Variants in PLBD2 observed in about 807,000 individuals in gnomAD.
The protein encoded by PLBD2 is phospholipase B domain containing 2.
A neutral mutation model predicts 68.3 loss-of-function variants in PLBD2; 51 were observed. The ratio of observed to expected loss-of-function variants is 0.75; its 90% CI spans 0.60 to 0.94. PLBD2 has a LOEUF of 0.94. Among genes scored for constraint, PLBD2 ranks in the 40% least tolerant of loss-of-function variants. The probability of loss-of-function intolerance (pLI) is 0.00; values close to 1 mark genes in which losing one functional copy is unlikely to be tolerated. For missense variants in PLBD2, 729 were observed against 792.2 expected (o/e 0.92, Z 0.96); for synonymous variants, 314 against 339.3 (o/e 0.93, Z 0.82).
chr12:113,386,558 C>T (rs1957555112), intron 9 of PLBD2, among the ~76,000 whole-genome samples: 2 of 147,696 alleles, frequency 1.4e-5, no homozygotes, highest in African/African-American at 5.0e-5. Flanking sequence ...CTCGCTGTGT[C>T]GCCCAGGTTG....
intron 8 of PLBD2, 94 bp from the exon 9 acceptor site, chr12:113,385,118 G>T: frequency 7.1e-7 from 1 of 1,412,294 alleles, no homozygotes; most frequent in Non-Finnish European, 9.9e-7. Context: ...CATCCTCCAG[G>T]CAATGGGGAG....
chr12:113,369,709 A>G (rs1957372532), intron 2 of PLBD2, among the ~76,000 whole-genome samples: 1 of 152,190 alleles, frequency 6.6e-6, no homozygotes, highest in Non-Finnish European at 1.5e-5. Flanking sequence ...TTCTGTTTAT[A>G]TAAAATGTTC....
Position 113,384,093 on chromosome 12 carries a change from A to T in PLBD2, c.958-12A>T. ...CCTAGGCTGTGCAGCAGCCCCCTTG[A>T]CCTTCCCACAGGTGACACTGGAGAC... On this transcript the variant is annotated splice_polypyrimidine_tract_variant and intron_variant, in intron 6 of 11. Coordinates refer to ENST00000280800, the MANE Select transcript of PLBD2 (RefSeq NM_173542.4). The surrounding 1 kb of genome is among the most constrained non-coding windows in gnomAD (Gnocchi z 4.2). The T allele has an allele frequency of 2.5e-6, 4 of 1,595,098 alleles. No individual in the cohort carries two copies. Among genetic ancestry groups the T allele is most frequent in the Non-Finnish European group, 3.4e-6 (4 of 1,167,876 alleles).
intron 5 of PLBD2, among the ~76,000 whole-genome samples, chr12:113,378,179 C>G (rs1390481843): frequency 6.6e-6 from 1 of 152,080 alleles, no homozygotes; most frequent in African/African-American, 2.4e-5. Flanking sequence ...GTAATCCCAG[C>G]TACTCGGGAG....
At chr12:113,368,929 T>G (rs1163966409) in intron 1 of PLBD2, among the ~76,000 whole-genome samples, 187 bp from the exon 2 acceptor site, 1 of 152,184 alleles carries the variant, frequency 6.6e-6, no homozygotes. Context: ...TAAAAATACG[T>G]GTACCCTTTG....
chr12:113,385,422 C>A, intron 9 of PLBD2, 139 bp downstream of exon 9: 1 of 788,850 alleles, frequency 1.3e-6, no homozygotes, highest in East Asian at 2.7e-5. Context: ...CAGGAGAGCC[C>A]AGACAGTTTG....
rs1163838544 is a variant in PLBD2 at position 113,358,846 on chromosome 12, C to T, written c.246C>T (p.Asp82=). The T allele has an allele frequency of 3.3e-6, 5 of 1,521,348 alleles. No individual in the cohort carries two copies. The highest frequency in any genetic ancestry group is 4.4e-6 in the Non-Finnish European group (5 of 1,136,698). The allele number at this position is 1,521,348 out of a possible 1,614,324, so 94.2% of individuals were successfully genotyped here. A position where few individuals can be genotyped will look rare whatever the true frequency, so the allele number is the denominator to read the frequency against. The change falls in exon 1 of 12, where the codon GAC becomes GAT. Residue 82 remains aspartate, a synonymous_variant. Coordinates refer to ENST00000280800, the MANE Select transcript of PLBD2 (RefSeq NM_173542.4). ...QLLMVDGRHP[D]AVAWANLTNA... ...TTATGGTGGACGGACGCCACCCTGA[C>T]GCCGTGGCCTGGGCCAACCTCACCA... is the stretch of plus-strand genomic sequence containing the variant.
intron 5 of PLBD2, among the ~76,000 whole-genome samples, chr12:113,375,327 T>C (rs915281124): frequency 6.6e-6 from 1 of 152,070 alleles, no homozygotes; most frequent in African/African-American, 2.4e-5. Flanking sequence ...TTTATTTTTT[T>C]ATTTTTAAGA....
At chr12:113,378,929 C>T (rs547632250) in intron 5 of PLBD2, among the ~76,000 whole-genome samples, 4 of 152,294 alleles carry the variant, frequency 2.6e-5, no homozygotes, top group African/African-American at 9.6e-5. Context: ...TGACCTTGGC[C>T]TTCCAAAGTG....
intron 1 of PLBD2, among the ~76,000 whole-genome samples, chr12:113,367,515 C>T (rs993804445): frequency 6.6e-6 from 1 of 151,786 alleles, no homozygotes; most frequent in East Asian, 2.0e-4. Context: ...TTTGGGAGGC[C>T]GAGGCAGGTG....
intron 1 of PLBD2, among the ~76,000 whole-genome samples, chr12:113,360,283 C>T (rs1016185631): frequency 1.3e-5 from 2 of 152,128 alleles, no homozygotes; most frequent in Non-Finnish European, 2.9e-5. Flanking sequence ...TCGGGGGCTG[C>T]CGGGACTCTT....
At chr12:113,364,485 A>G (rs758092942) in intron 1 of PLBD2, among the ~76,000 whole-genome samples, 2 of 149,066 alleles carry the variant, frequency 1.3e-5, no homozygotes, top group Non-Finnish European at 3.0e-5. Flanking sequence ...TTTTTTTTTA[A>G]TGAGACAGCA....
intron 2 of PLBD2, among the ~76,000 whole-genome samples, chr12:113,369,773 G>GGGGGAGT (rs1267579356): frequency 6.6e-6 from 1 of 152,130 alleles, no homozygotes; most frequent in Non-Finnish European, 1.5e-5. Context: ...CAGGGACTTG[G>GGGGGAGT]GGGGAGTGGG....
intron 1 of PLBD2, 83 bp downstream of exon 1, chr12:113,358,973 C>T: frequency 7.2e-7 from 1 of 1,388,916 alleles, no homozygotes; most frequent in Non-Finnish European, 9.5e-7. Flanking sequence ...CCGGGACCGG[C>T]CTCTTGCCGG....
At chr12:113,385,410 GC>G in intron 9 of PLBD2, 127 bp downstream of exon 9, 1 of 860,170 alleles carries the variant, frequency 1.2e-6, no homozygotes, top group Non-Finnish European at 1.8e-6. Context: ...CCCTTTTCTG[GC>G]CAGGAGAGCC....
At position 113,374,892 on chromosome 12, in the gene PLBD2, C is replaced by A; in HGVS notation, c.744C>A (p.Ile248=). Residue 248 remains isoleucine (I), a synonymous_variant, in exon 5 of 12, where the codon ATC becomes ATA. Transcript: ENST00000280800. ...GCTCTGGCTCCTGTTCTGCCCTCAT[C>A]AAGCTGCTCCCTGGCCAGAGTGACC... ...SLGSGSCSAL[I]KLLPGQSDLL... is the part of the protein sequence containing the mutation. 1 of 1,614,110 alleles carries A rather than the reference C, an allele frequency of 6.2e-7. No homozygotes were observed. Among genetic ancestry groups the A allele is most frequent in the South Asian group, 1.1e-5 (1 of 91,086 alleles).
chr12:113,383,996 CAAA>C (rs376758985), intron 6 of PLBD2, 106 bp from the exon 7 acceptor site: 10,336 of 482,782 alleles, frequency 0.021, no homozygotes, highest in South Asian at 0.033. Context: ...GACTCTATCT[CAAA>C]AAAAAAAAAA....
intron 5 of PLBD2, 65 bp from the exon 6 acceptor site, chr12:113,380,680 T>G (rs1593288520): frequency 7.6e-7 from 1 of 1,313,270 alleles, no homozygotes; most frequent in Non-Finnish European, 1.1e-6. Context: ...TCTTGTTAGG[T>G]AGGGTGCAGG....
intron 6 of PLBD2, among the ~76,000 whole-genome samples, chr12:113,382,835 T>TTTTTTGTGTGTGTGTGTG (rs1335785271): frequency 4.8e-4 from 51 of 106,606 alleles, no homozygotes; most frequent in Non-Finnish European, 6.8e-4. Flanking sequence ...TGGTGGTTTT[T>TTTTTTGTGTGTGTGTGTG]TGTGTGTGTG....
Sources: allele counts gnomAD v4.1 joint callset (sites outside exome capture counted in the v4.1 genomes callset), GRCh38; gene constraint gnomAD v4.1.1; non-coding constraint Gnocchi (gnomAD v3.1); transcripts MANE v1.5; gene names NCBI Gene and HGNC (gene_info 2026-07-23, HGNC 2026-07-21).